Variants in CSMD1 observed in about 807,000 individuals in gnomAD.
The protein encoded by CSMD1 is CUB and sushi domain-containing protein 1.
Under a neutral mutation model 417.5 loss-of-function variants are expected in CSMD1, and 213 were observed. The observed-to-expected ratio is 0.51, with a 90% CI of 0.46 to 0.57. The LOEUF (loss-of-function observed/expected upper bound fraction) is 0.57, where lower values mean the gene tolerates loss of function less well. Among genes scored for constraint, CSMD1 ranks in the 20% least tolerant of loss-of-function variants. CSMD1 has a pLI of 0.00. For missense variants in CSMD1, 6,923 were observed against 4,529.7 expected (o/e 1.53, Z -15.17); for synonymous variants, 2,862 against 1,736.8 (o/e 1.65, Z -16.11).
intron 3 of CSMD1, among the ~76,000 whole-genome samples, chr8:4,075,498 A>G (rs571347600): frequency 6.6e-6 from 1 of 152,312 alleles, no homozygotes; most frequent in African/African-American, 2.4e-5. Flanking sequence ...GTGGCAAATG[A>G]ATTTCGTGGG....
At chr8:3,920,400 T>G (rs1809158015) in intron 5 of CSMD1, among the ~76,000 whole-genome samples, 1 of 151,938 alleles carries the variant, frequency 6.6e-6, no homozygotes, top group Non-Finnish European at 1.5e-5. Context: ...CACTGTAGGT[T>G]CTTTTCTAAG....
chr8:3,065,137 A>G (rs193026731), intron 49 of CSMD1, among the ~76,000 whole-genome samples: 2 of 152,342 alleles, frequency 1.3e-5, no homozygotes, highest in Middle Eastern at 3.4e-3. Flanking sequence ...TCCTCATTTC[A>G]TAAATAAGCA....
At position 3,594,528 on chromosome 8, in the gene CSMD1, G is replaced by C. The variant is rs142739951; in HGVS notation, c.1098-8268C>G. Among the ~76,000 whole-genome samples, 124 of 152,234 alleles carry C rather than the reference G, an allele frequency of 8.1e-4. 3 individuals carry two copies. The East Asian group carries it at 0.023, about 28-fold the overall frequency. ...AATTGCATATAACTTGGTTTGTCCA[G>C]GAATGTTTTTCAAAGGTTATTTCCA... On this transcript the variant is annotated intron_variant, in intron 8 of 69. Transcript: ENST00000635120.
At chr8:3,722,176 G>A (rs939909346) in intron 6 of CSMD1, among the ~76,000 whole-genome samples, 8 of 152,116 alleles carry the variant, frequency 5.3e-5, no homozygotes. Context: ...GGGCATGGTG[G>A]CTGGCACCTG....
intron 23 of CSMD1, among the ~76,000 whole-genome samples, chr8:3,310,894 A>G (rs1368603519): frequency 1.3e-5 from 2 of 151,788 alleles, no homozygotes; most frequent in South Asian, 4.2e-4. Context: ...TTTTAAAAAA[A>G]GTTTTTAAAA....
chr8:4,957,493 G>A (rs193234878), intron 1 of CSMD1, among the ~76,000 whole-genome samples: 1 of 152,132 alleles, frequency 6.6e-6, no homozygotes. Flanking sequence ...ACATATCAGA[G>A]TAGAAATAAC....
Position 4,272,377 on chromosome 8 carries a change from A to C in CSMD1, c.415+147576T>G, listed in dbSNP as rs11992901. On this transcript the variant is annotated intron_variant, in intron 3 of 69. Transcript: ENST00000635120. Reference sequence around the variant, plus strand: ...TAATTGCTGTACATCCTTTCACCTGAAGTCTCAGTTTCCAAGACCTATAGA... The same window carrying C: ...TAATTGCTGTACATCCTTTCACCTGCAGTCTCAGTTTCCAAGACCTATAGA... Among the ~76,000 whole-genome samples, 883 of 152,286 alleles carry C rather than the reference A, an allele frequency of 5.8e-3. 9 individuals carry two copies. Among genetic ancestry groups the C allele is most frequent in the African/African-American group, 0.02 (813 of 41,560 alleles).
At chr8:3,743,523 C>G (rs1434918293) in intron 6 of CSMD1, among the ~76,000 whole-genome samples, 2 of 152,036 alleles carry the variant, frequency 1.3e-5, no homozygotes, top group Non-Finnish European at 2.9e-5. Context: ...TGGAAAGAAA[C>G]AAGGGTGGTT....
At chr8:3,318,760 T>G (rs780835617) in intron 23 of CSMD1, among the ~76,000 whole-genome samples, 1 of 152,124 alleles carries the variant, frequency 6.6e-6, no homozygotes, top group African/African-American at 2.4e-5. Context: ...CTGCAGGGTT[T>G]CTGTGGAAGC....
intron 1 of CSMD1, among the ~76,000 whole-genome samples, chr8:4,900,162 C>G (rs1804772420): frequency 1.3e-5 from 2 of 152,092 alleles, no homozygotes; most frequent in South Asian, 4.1e-4. Context: ...TAAAGACATA[C>G]CTCACCACAT....
At chr8:4,290,067 C>G (rs1315832668) in intron 3 of CSMD1, among the ~76,000 whole-genome samples, 1 of 152,156 alleles carries the variant, frequency 6.6e-6, no homozygotes. Context: ...GCAAATTCAG[C>G]ACGGTCTTTT....
In CSMD1 at chr8:3,129,920, G is replaced by A. The variant is rs1429106239; in HGVS notation, c.6242-11333C>T. ...CACCTGAGCCCGGGGGGCGGAGGTTGCAGTGAGCCGAGATCGCGCCACTGC... is the reference window on the plus strand; with the variant it reads ...CACCTGAGCCCGGGGGGCGGAGGTTACAGTGAGCCGAGATCGCGCCACTGC... On this transcript the variant is annotated intron_variant, in intron 41 of 69. Coordinates refer to ENST00000635120, the MANE Select transcript of CSMD1 (RefSeq NM_033225.6). 2.0e-5 allele frequency among the ~76,000 whole-genome samples: 3 copies of A among 152,112 alleles called. No homozygotes were observed. In the East Asian group the frequency reaches 5.8e-4, roughly 29 times the overall value.
chr8:4,069,635 CT>C (rs1799441384), intron 3 of CSMD1, among the ~76,000 whole-genome samples: 1 of 152,162 alleles, frequency 6.6e-6, no homozygotes, highest in Non-Finnish European at 1.5e-5. Flanking sequence ...CCCCTCAAGC[CT>C]CTGCAGCTTC....
At chr8:4,078,131 G>C (rs956148460) in intron 3 of CSMD1, among the ~76,000 whole-genome samples, 1 of 152,038 alleles carries the variant, frequency 6.6e-6, no homozygotes, top group Non-Finnish European at 1.5e-5. Flanking sequence ...GTGCTATAAT[G>C]AACTTTAAAA....
chr8:4,464,390 T>A (rs906636347), intron 2 of CSMD1, among the ~76,000 whole-genome samples: 1 of 152,232 alleles, frequency 6.6e-6, no homozygotes, highest in African/African-American at 2.4e-5. Context: ...TTAATATACC[T>A]AACCTGCAAA....
chr8:4,246,184 C>G (rs1248570013), intron 3 of CSMD1, among the ~76,000 whole-genome samples: 2 of 152,126 alleles, frequency 1.3e-5, no homozygotes, highest in African/African-American at 4.8e-5. Context: ...AATATTCCAT[C>G]CTCCAAAAGG....
At chr8:3,722,068 C>A (rs763308537) in intron 6 of CSMD1, among the ~76,000 whole-genome samples, 5 of 152,096 alleles carry the variant, frequency 3.3e-5, no homozygotes, top group Non-Finnish European at 5.9e-5. Flanking sequence ...AGAGGCCGGG[C>A]AAAGTGGCTC....
chr8:4,051,674 A>G (rs1798430705), intron 3 of CSMD1, among the ~76,000 whole-genome samples: 1 of 152,092 alleles, frequency 6.6e-6, no homozygotes, highest in African/African-American at 2.4e-5. Context: ...AATTTTCTGT[A>G]CTGATCAAGG....
intron 3 of CSMD1, among the ~76,000 whole-genome samples, chr8:4,225,093 C>G (rs962354477): frequency 2.0e-5 from 3 of 152,160 alleles, no homozygotes; most frequent in East Asian, 1.9e-4. Flanking sequence ...GCCTGGGGAA[C>G]AGAGTGAGAC....
Sources: gnomAD v4.1 joint callset for allele counts (sites outside exome capture counted in the v4.1 genomes callset) on GRCh38, gnomAD v4.1.1 for gene constraint, MANE v1.5 for transcripts, NCBI Gene and HGNC (gene_info 2026-07-23, HGNC 2026-07-21) for gene names.